PDE7B: variants seen among roughly 807,000 people sequenced by gnomAD.
The protein encoded by PDE7B is 3',5'-cyclic-AMP phosphodiesterase 7B.
A neutral mutation model predicts 56.2 loss-of-function variants in PDE7B; 29 were observed. That is an observed-to-expected ratio of 0.52 (90% CI 0.38 to 0.70). PDE7B has a LOEUF of 0.70. PDE7B is among the 30% of genes least tolerant of loss of function. The pLI is 0.00. For synonymous variants in PDE7B, 197 were observed against 196.9 expected, an observed-to-expected ratio of 1.00 and a Z score of 0.00; for missense variants, 490 against 565.0, an observed-to-expected ratio of 0.87 and a Z score of 1.35.
chr6:136,085,008 C>T (rs750185496), intron 2 of PDE7B, among the ~76,000 whole-genome samples: 8 of 152,178 alleles, frequency 5.3e-5, no homozygotes, highest in Non-Finnish European at 1.0e-4. Context: ...CGACTCCTAG[C>T]CGATGGCTGG....
At position 136,178,911 on chromosome 6, in the gene PDE7B, A is replaced by G. The variant is rs3734547; in HGVS notation, c.804-86A>G. On this transcript the variant is annotated intron_variant, in intron 9 of 12. Coordinates refer to ENST00000308191, the MANE Select transcript of PDE7B (RefSeq NM_018945.4). ...AATCAAAGGCAGAAATTAGATTACAAGCCACCTGATGATGATAAAATCAAT... is the reference window on the plus strand; with the variant it reads ...AATCAAAGGCAGAAATTAGATTACAGGCCACCTGATGATGATAAAATCAAT... 0.016 allele frequency: 22,918 copies of G among 1,393,932 alleles called. 2,077 individuals carry two copies. In the Admixed American group the frequency reaches 0.2, roughly 12 times the overall value. The allele number at this position is 1,393,932 out of a possible 1,614,324, so 86.3% of individuals were successfully genotyped here. A position where few individuals can be genotyped will look rare whatever the true frequency, so the allele number is the denominator to read the frequency against.
intron 8 of PDE7B, among the ~76,000 whole-genome samples, chr6:136,172,019 T>C (rs1778891920): frequency 6.6e-6 from 1 of 152,112 alleles, no homozygotes; most frequent in Admixed American, 6.5e-5. Context: ...TGCCACATTT[T>C]CTTAATCCAG....
intron 3 of PDE7B, among the ~76,000 whole-genome samples, chr6:136,120,932 C>T (rs1326345295): frequency 6.6e-6 from 1 of 152,146 alleles, no homozygotes; most frequent in African/African-American, 2.4e-5. Flanking sequence ...CCCACCCTCC[C>T]CTACATGTCC....
At chr6:136,030,890 T>C (rs1776236840) in intron 2 of PDE7B, among the ~76,000 whole-genome samples, 2 of 152,242 alleles carry the variant, frequency 1.3e-5, no homozygotes, top group South Asian at 4.1e-4. Flanking sequence ...AAAATAGTAT[T>C]TGTTTATGAA....
At chr6:136,131,614 A>G (rs2128444740) in intron 3 of PDE7B, among the ~76,000 whole-genome samples, 1 of 149,102 alleles carries the variant, frequency 6.7e-6, no homozygotes, top group South Asian at 2.1e-4. Flanking sequence ...TGTCTTTTCC[A>G]AAGCTGGGGG....
chr6:135,944,571 A>G (rs1219983649), intron 1 of PDE7B, among the ~76,000 whole-genome samples: 3 of 152,138 alleles, frequency 2.0e-5, no homozygotes, highest in African/African-American at 7.2e-5. Flanking sequence ...GGACCACCTC[A>G]TTGTCATTGG....
intron 2 of PDE7B, among the ~76,000 whole-genome samples, chr6:136,081,598 G>C (rs374006767): frequency 6.6e-6 from 1 of 152,114 alleles, no homozygotes; most frequent in Non-Finnish European, 1.5e-5. Flanking sequence ...CTTGCCTCTC[G>C]CATTAGTGTT....
chr6:136,063,319 A>C (rs752951725), intron 2 of PDE7B, among the ~76,000 whole-genome samples: 35 of 152,294 alleles, frequency 2.3e-4, no homozygotes, highest in South Asian at 6.2e-4. Flanking sequence ...AAGCCCTTAG[A>C]TACATACCAT....
chr6:136,093,494 A>G (rs942134630), intron 2 of PDE7B, among the ~76,000 whole-genome samples: 1 of 152,250 alleles, frequency 6.6e-6, no homozygotes, highest in Non-Finnish European at 1.5e-5. Flanking sequence ...TGTATGTTAT[A>G]TACTTATAAA....
chr6:135,928,492 TA>T (rs1774236838), intron 1 of PDE7B, among the ~76,000 whole-genome samples: 2 of 100,424 alleles, frequency 2.0e-5, no homozygotes, highest in Non-Finnish European at 3.9e-5. Context: ...TTTATTTATA[TA>T]TATATATTTA....
intron 1 of PDE7B, among the ~76,000 whole-genome samples, chr6:135,934,365 A>C (rs1774351525): frequency 6.6e-6 from 1 of 152,150 alleles, no homozygotes. Context: ...AGGAGATTTA[A>C]AACAAATTTT....
intron 2 of PDE7B, among the ~76,000 whole-genome samples, chr6:136,020,001 T>C (rs988427498): frequency 2.6e-5 from 4 of 152,180 alleles, no homozygotes; most frequent in African/African-American, 7.2e-5. Context: ...TTCGAACCTA[T>C]GTTATTCAAG....
chr6:136,095,645 G>C (rs1777458984), intron 2 of PDE7B: 1 of 152,230 alleles, frequency 6.6e-6, no homozygotes, highest in South Asian at 2.1e-4. Context: ...GATCATGGCT[G>C]TCAGCTCAAG....
chr6:135,908,925 C>T (rs1776163227), intron 1 of PDE7B, among the ~76,000 whole-genome samples: 1 of 152,152 alleles, frequency 6.6e-6, no homozygotes, highest in Admixed American at 6.5e-5. Flanking sequence ...ACAAGTTTAC[C>T]TGGTATCTCC....
intron 2 of PDE7B, among the ~76,000 whole-genome samples, chr6:135,990,118 C>G (rs1775454118): frequency 7.2e-6 from 1 of 139,610 alleles, no homozygotes; most frequent in Non-Finnish European, 1.5e-5. Flanking sequence ...TTTTTTGAGA[C>G]AGAGTCTCGC....
chr6:136,100,806 T>A (rs1313037163), intron 2 of PDE7B, among the ~76,000 whole-genome samples: 2 of 152,182 alleles, frequency 1.3e-5, no homozygotes, highest in African/African-American at 4.8e-5. Context: ...AATACTATAT[T>A]GAATAGGAGT....
intron 1 of PDE7B, among the ~76,000 whole-genome samples, chr6:135,933,202 C>T (rs1241313648): frequency 5.3e-5 from 8 of 152,132 alleles, no homozygotes; most frequent in Admixed American, 5.2e-4. Context: ...CACTACAAAG[C>T]ACAGTTATGT....
At chr6:136,171,431 C>G (rs78756292) in intron 8 of PDE7B, among the ~76,000 whole-genome samples, 1 of 152,096 alleles carries the variant, frequency 6.6e-6, no homozygotes, top group Admixed American at 6.6e-5. Flanking sequence ...ATAATGACTG[C>G]GACTCAGGAG....
At chr6:136,112,215 G>A (rs190128251) in intron 3 of PDE7B, among the ~76,000 whole-genome samples, 4 of 152,272 alleles carry the variant, frequency 2.6e-5, no homozygotes, top group Admixed American at 2.6e-4. Flanking sequence ...GAGGGCAGAG[G>A]ACATCAGAAT....
Sources: gnomAD v4.1 joint callset for allele counts (sites outside exome capture counted in the v4.1 genomes callset) on GRCh38, gnomAD v4.1.1 for gene constraint, MANE v1.5 for transcripts, NCBI Gene and HGNC (gene_info 2026-07-23, HGNC 2026-07-21) for gene names.